The following TTC12 variants were observed in gnomAD, a reference collection of about 807,000 sequenced individuals.
TTC12 encodes tetratricopeptide repeat domain 12.
TTC12 carries 70 observed loss-of-function variants against 90.1 expected under a neutral mutation model. That is an observed-to-expected ratio of 0.78 (90% CI 0.64 to 0.95). The LOEUF is 0.95. Ranked by LOEUF, TTC12 falls within the 40% of genes least tolerant of loss-of-function variation. TTC12 has a pLI of 0.00. For synonymous variants in TTC12, 296 were observed against 311.5 expected, an observed-to-expected ratio of 0.95 and a Z score of 0.53; for missense variants, 819 against 846.1, an observed-to-expected ratio of 0.97 and a Z score of 0.40.
chr11:113,359,319 T>C, intron 16 of TTC12, 44 bp from the exon 17 acceptor site: 1 of 1,345,016 alleles, frequency 7.4e-7, no homozygotes, highest in African/African-American at 1.4e-5. Flanking sequence ...CATAAAAAGC[T>C]GTAAGGCAAA....
chr11:113,350,309 C>G, intron 14 of TTC12, 144 bp downstream of exon 14: 1 of 637,426 alleles, frequency 1.6e-6, no homozygotes, highest in South Asian at 2.0e-5. Context: ...AGGGCTGATG[C>G]CTCCCAGGGG....
rs778877621 is a variant in TTC12 at position 113,363,849 on chromosome 11, C to T, written c.1738C>T (p.Arg580Cys). ...FLKTGGETAS[R>C]YAIKILAICT... ...CTAGACAGGAGGTGAGACTGCATCA[C>T]GTTATGCTATAAAGATACTAGCTAT... The change falls in exon 20 of 22, where the codon CGT becomes TGT. Residue 580 changes from arginine to cysteine, a missense_variant. Physicochemically the swap from Arg to Cys is radical, Grantham distance 180. Coordinates refer to ENST00000529221, the MANE Select transcript of TTC12 (RefSeq NM_017868.4). The T allele has an allele frequency of 1.9e-5, 30 of 1,612,440 alleles. No individual in the cohort carries two copies. The highest frequency in any genetic ancestry group is 2.0e-5 in the Non-Finnish European group (24 of 1,178,766).
chr11:113,341,378 C>T (rs1948671032), intron 11 of TTC12, among the ~76,000 whole-genome samples: 1 of 152,154 alleles, frequency 6.6e-6, no homozygotes, highest in Non-Finnish European at 1.5e-5. Context: ...TTGGAATTTG[C>T]TGATCATATC....
At chr11:113,344,941 G>C (rs1202928953) in intron 13 of TTC12, among the ~76,000 whole-genome samples, 2 of 152,190 alleles carry the variant, frequency 1.3e-5, no homozygotes, top group Non-Finnish European at 2.9e-5. Flanking sequence ...TAGAATGTGT[G>C]TACCCTAAGT....
chr11:113,348,128 A>AAAACGCCCT (rs1565609312), intron 13 of TTC12, among the ~76,000 whole-genome samples: 1 of 152,224 alleles, frequency 6.6e-6, no homozygotes, highest in Non-Finnish European at 1.5e-5. Context: ...GTGTGAGATG[A>AAAACGCCCT]AAACGCCCTT....
intron 10 of TTC12, among the ~76,000 whole-genome samples, chr11:113,340,242 A>G (rs781837201): frequency 1.1e-4 from 17 of 152,240 alleles, no homozygotes; most frequent in Non-Finnish European, 2.2e-4. Context: ...AGGGCACACA[A>G]ATATCCCCTT....
chr11:113,324,537 T>G, intron 4 of TTC12, 68 bp from the exon 5 acceptor site: 1 of 1,364,390 alleles, frequency 7.3e-7, no homozygotes, highest in Non-Finnish European at 1.0e-6. Context: ...CACTTCGAAT[T>G]TGAGCTAAAG....
Position 113,333,260 on chromosome 11 carries a change from C to T in TTC12, c.505-1706C>T, listed in dbSNP as rs553332261. The stretch of plus-strand genomic sequence containing the variant: ...GCCCCTCGATCCCAGCTGGACCGTC[C>T]CCGGAGCCCCCTATACTCTCCTCAC... On this transcript the variant is annotated intron_variant, in intron 7 of 21. Coordinates refer to ENST00000529221, the MANE Select transcript of TTC12 (RefSeq NM_017868.4). Among the ~76,000 whole-genome samples, 76 of 152,156 alleles carry T rather than the reference C, an allele frequency of 5.0e-4. No homozygotes were observed. In the South Asian group the frequency reaches 0.016, roughly 31 times the overall value.
At chr11:113,354,119 G>C (rs1949480824) in intron 16 of TTC12, among the ~76,000 whole-genome samples, 1 of 152,100 alleles carries the variant, frequency 6.6e-6, no homozygotes, top group Non-Finnish European at 1.5e-5. Flanking sequence ...CCATTTGTTT[G>C]TGTTATCTCT....
intron 10 of TTC12, among the ~76,000 whole-genome samples, chr11:113,340,207 C>T (rs904349050): frequency 6.6e-6 from 1 of 152,232 alleles, no homozygotes; most frequent in Non-Finnish European, 1.5e-5. Flanking sequence ...GATGGAGTGT[C>T]TGACTTCTCT....
chr11:113,370,847 A>G (rs952208960), downstream of TTC12, among the ~76,000 whole-genome samples: 3 of 152,198 alleles, frequency 2.0e-5, no homozygotes. Flanking sequence ...GCTCAGCCTG[A>G]GCATCACTCC....
At chr11:113,344,673 A>G (rs1181697620) in intron 13 of TTC12, among the ~76,000 whole-genome samples, 7 of 152,122 alleles carry the variant, frequency 4.6e-5, no homozygotes, top group Non-Finnish European at 7.4e-5. Flanking sequence ...CATCCCACAA[A>G]TGGTGCAAAT....
downstream of TTC12, chr11:113,368,105 C>T: frequency 8.4e-7 from 1 of 1,185,010 alleles, no homozygotes. Context: ...CTTCTTGGCT[C>T]TTGAAAATGG....
At chr11:113,331,103 G>A (rs1448700445) in intron 7 of TTC12, among the ~76,000 whole-genome samples, 1 of 152,146 alleles carries the variant, frequency 6.6e-6, no homozygotes, top group Non-Finnish European at 1.5e-5. Context: ...AAACACTAGG[G>A]ATCCTCTAAC....
At chr11:113,360,756 A>C (rs1555154642) in intron 18 of TTC12, among the ~76,000 whole-genome samples, 1 of 152,174 alleles carries the variant, frequency 6.6e-6, no homozygotes, top group African/African-American at 2.4e-5. Flanking sequence ...AGGGTTGCAG[A>C]CTGAGGACTG....
chr11:113,356,161 T>A (rs184631882), intron 16 of TTC12, among the ~76,000 whole-genome samples: 1 of 152,372 alleles, frequency 6.6e-6, no homozygotes, highest in Admixed American at 6.5e-5. Flanking sequence ...TTAGATCTTC[T>A]TGTTGAACTG....
At chr11:113,371,951 G>T (rs1462388575) in intron 21 of TTC12, among the ~76,000 whole-genome samples, 1 of 152,188 alleles carries the variant, frequency 6.6e-6, no homozygotes. Context: ...CACTCCTGTT[G>T]TGGTCATGTT....
At chr11:113,357,001 G>C (rs11214585) in intron 16 of TTC12, among the ~76,000 whole-genome samples, 55,104 of 152,028 alleles carry the variant, frequency 0.36, 11,539 homozygotes, top group Non-Finnish European at 0.48. Context: ...TCTCATGGAT[G>C]ATATCCTGAA....
At chr11:113,351,157 A>C in intron 14 of TTC12, 82 bp from the exon 15 acceptor site, 1 of 1,339,710 alleles carries the variant, frequency 7.5e-7, no homozygotes, top group Non-Finnish European at 1.1e-6. Context: ...TAGAGTTTGC[A>C]ACATTAACTA....
Sources: allele counts gnomAD v4.1 joint callset (sites outside exome capture counted in the v4.1 genomes callset), GRCh38; gene constraint gnomAD v4.1.1; transcripts MANE v1.5; gene names NCBI Gene and HGNC (gene_info 2026-07-23, HGNC 2026-07-21).